The following ABHD3 variants were observed in gnomAD, a reference collection of about 807,000 sequenced individuals.
ABHD3 encodes abhydrolase domain containing 3, phospholipase, also known as phospholipase ABHD3.
ABHD3 carries 46 observed loss-of-function variants against 48.8 expected under a neutral mutation model. The ratio of observed to expected loss-of-function variants is 0.94; its 90% CI spans 0.74 to 1.20. The LOEUF (loss-of-function observed/expected upper bound fraction) is 1.20. ABHD3 is among the 50% of genes most tolerant of loss of function. The probability of loss-of-function intolerance (pLI) is 0.00; values close to 1 mark genes in which losing one functional copy is unlikely to be tolerated. For synonymous variants in ABHD3, 192 were observed against 183.7 expected, an observed-to-expected ratio of 1.04 and a Z score of -0.36; for missense variants, 490 against 497.8, an observed-to-expected ratio of 0.98 and a Z score of 0.15.
rs143279961 is a variant in ABHD3, at chr18:21,656,370, G to A, written c.1057+491C>T. On this transcript the variant is annotated intron_variant, in intron 8 of 8. Transcript: ENST00000289119. Reference sequence around the variant, plus strand: ...ATTTTCTTTTATACAGTATTCCAGGGAAAAGGAAAGGATGTTTCTCTTTAA... The same window carrying A: ...ATTTTCTTTTATACAGTATTCCAGGAAAAAGGAAAGGATGTTTCTCTTTAA... Among the ~76,000 whole-genome samples, 11 of 152,102 alleles carry A rather than the reference G, an allele frequency of 7.2e-5. No homozygotes were observed. The East Asian group carries it at 2.1e-3, about 30-fold the overall frequency.
chr18:21,696,574 G>T (rs1158450065), intron 3 of ABHD3, among the ~76,000 whole-genome samples: 1 of 152,046 alleles, frequency 6.6e-6, no homozygotes, highest in African/African-American at 2.4e-5. Context: ...GAGATTTTTT[G>T]GAATGAATGG....
intron 3 of ABHD3, among the ~76,000 whole-genome samples, chr18:21,699,116 G>A (rs146234870): frequency 2.0e-5 from 3 of 151,922 alleles, no homozygotes; most frequent in Admixed American, 6.6e-5. Flanking sequence ...GTTTCACCAC[G>A]TTGACCAGGC....
chr18:21,673,163 C>G (rs1464268215), intron 4 of ABHD3, among the ~76,000 whole-genome samples: 1 of 152,180 alleles, frequency 6.6e-6, no homozygotes, highest in East Asian at 1.9e-4. Context: ...CAGGACTACT[C>G]ATCACCTCCC....
At chr18:21,657,409 G>A (rs946860731) in intron 6 of ABHD3, among the ~76,000 whole-genome samples, 21 of 150,786 alleles carry the variant, frequency 1.4e-4, no homozygotes, top group Admixed American at 1.1e-3. Context: ...GCATGATCAC[G>A]GCTCACTGCA....
At position 21,703,670 on chromosome 18, in the gene ABHD3, G is replaced by A. The variant is rs1365935103; in HGVS notation, c.240C>T (p.Tyr80=). Residue 80 remains tyrosine (Y), a synonymous_variant, in exon 2 of 9, where the codon TAC becomes TAT. Coordinates refer to ENST00000289119, the MANE Select transcript of ABHD3 (RefSeq NM_138340.5). ...QDHCPVVTET[Y]YPTVWCWEGR... is the part of the protein sequence containing the mutation. The stretch of plus-strand genomic sequence containing the variant: ...CCTCCCAGCACCAGACCGTCGGGTA[G>A]TACGTTTCTGTAACCACGGGACAGT... 3.8e-5 allele frequency: 62 copies of A among 1,614,006 alleles called. No individual in the cohort carries two copies. Among genetic ancestry groups the A allele is most frequent in the Non-Finnish European group, 5.1e-5 (60 of 1,180,042 alleles).
At chr18:21,656,793 T>G (rs563632052) in intron 8 of ABHD3, 68 bp downstream of exon 8, 2 of 1,362,522 alleles carry the variant, frequency 1.5e-6, no homozygotes, top group African/African-American at 3.0e-5. Flanking sequence ...ATTACTATAT[T>G]TCCTTAAAAA....
At chr18:21,676,763 G>C (rs1049164794) in intron 4 of ABHD3, among the ~76,000 whole-genome samples, 1 of 152,120 alleles carries the variant, frequency 6.6e-6, no homozygotes, top group African/African-American at 2.4e-5. Flanking sequence ...GAGGAAAAGA[G>C]TTGGTCCACA....
chr18:21,675,548 T>C (rs1382707836), intron 4 of ABHD3, among the ~76,000 whole-genome samples: 2 of 152,058 alleles, frequency 1.3e-5, no homozygotes, highest in African/African-American at 4.8e-5. Flanking sequence ...GTTACAGGTA[T>C]GAGTCACCGC....
chr18:21,672,847 T>C (rs1030075558), intron 4 of ABHD3, among the ~76,000 whole-genome samples: 2 of 134,608 alleles, frequency 1.5e-5, no homozygotes, highest in African/African-American at 3.3e-5. Flanking sequence ...CAGTCATTGA[T>C]AGACATATTA....
chr18:21,694,665 T>C (rs1193204457), intron 3 of ABHD3, among the ~76,000 whole-genome samples: 3 of 152,216 alleles, frequency 2.0e-5, no homozygotes, highest in African/African-American at 7.2e-5. Flanking sequence ...TGCCCTCTTC[T>C]AACAACTGTC....
At chr18:21,664,314 G>A (rs2146290972) in intron 4 of ABHD3, 84 bp from the exon 5 acceptor site, 4 of 1,264,172 alleles carry the variant, frequency 3.2e-6, no homozygotes, top group Middle Eastern at 1.9e-4. Context: ...CAGGAGCAAG[G>A]AGTCATACAT....
At chr18:21,691,342 C>T (rs1568160080) in intron 3 of ABHD3, among the ~76,000 whole-genome samples, 2 of 152,054 alleles carry the variant, frequency 1.3e-5, no homozygotes. Context: ...ATGCTTCTAT[C>T]GATAAAAGAT....
At chr18:21,674,427 T>C (rs2039829987) in intron 4 of ABHD3, among the ~76,000 whole-genome samples, 1 of 151,962 alleles carries the variant, frequency 6.6e-6, no homozygotes, top group Non-Finnish European at 1.5e-5. Flanking sequence ...TTTAAATTTT[T>C]TGTAGAGACA....
intron 4 of ABHD3, among the ~76,000 whole-genome samples, chr18:21,676,399 A>G (rs1307383761): frequency 6.6e-6 from 1 of 152,152 alleles, no homozygotes; most frequent in African/African-American, 2.4e-5. Flanking sequence ...TTTTAAAACT[A>G]ACTTTTTTTT....
chr18:21,651,583 A>G lies in ABHD3; in HGVS notation c.*8T>C, dbSNP rs1568132285. The G allele has an allele frequency of 6.2e-7, 1 of 1,613,604 alleles. No homozygotes were observed. Among genetic ancestry groups the G allele is most frequent in the East Asian group, 2.2e-5 (1 of 44,854 alleles). On this transcript the variant is annotated 3_prime_UTR_variant, in exon 9 of 9. Transcript: ENST00000289119. ...GGTTCAGACAAAATGCACCCAAAGA[A>G]CTACATGTTAAGAGAGTTCATGTCC...
intron 3 of ABHD3, among the ~76,000 whole-genome samples, chr18:21,684,748 C>T (rs540467051): frequency 1.8e-4 from 27 of 152,272 alleles, no homozygotes; most frequent in South Asian, 2.1e-4. Context: ...AACATGGACA[C>T]CAGAATTTTA....
intron 4 of ABHD3, among the ~76,000 whole-genome samples, chr18:21,681,446 CCCCT>C (rs1287028041): frequency 6.6e-6 from 1 of 151,932 alleles, no homozygotes; most frequent in East Asian, 1.9e-4. Flanking sequence ...GTCTTTATTC[CCCCT>C]CCGTCTGCTT....
chr18:21,682,716 T>C (rs1164577928), intron 4 of ABHD3, among the ~76,000 whole-genome samples: 1 of 152,190 alleles, frequency 6.6e-6, no homozygotes, highest in African/African-American at 2.4e-5. Flanking sequence ...ATTATTTCCT[T>C]GAGAGCCTCA....
intron 4 of ABHD3, among the ~76,000 whole-genome samples, chr18:21,668,017 A>G (rs560412851): frequency 1.1e-3 from 174 of 151,776 alleles, no homozygotes; most frequent in African/African-American, 3.8e-3. Flanking sequence ...CCTGACCAAC[A>G]TGGTGAAACC....
Sources: gnomAD v4.1 joint callset for allele counts (sites outside exome capture counted in the v4.1 genomes callset) on GRCh38, gnomAD v4.1.1 for gene constraint, MANE v1.5 for transcripts, NCBI Gene and HGNC (gene_info 2026-07-23, HGNC 2026-07-21) for gene names.